Variants in BICDL1 observed in about 807,000 individuals in gnomAD.
BICDL1 encodes the protein BICD family like cargo adaptor 1.
BICDL1 carries 20 observed loss-of-function variants against 76.8 expected under a neutral mutation model. The observed-to-expected ratio is 0.26, with a 90% confidence interval of 0.18 to 0.38. The LOEUF (loss-of-function observed/expected upper bound fraction) is 0.38, where lower values mean the gene tolerates loss of function less well. Ranked by LOEUF, BICDL1 falls within the 10% of genes least tolerant of loss-of-function variation. BICDL1 has a pLI of 1.00. For synonymous variants in BICDL1, 383 were observed against 337.1 expected (o/e 1.14, Z -1.49); for missense variants, 700 against 798.6 (o/e 0.88, Z 1.49).
At chr12:120,089,253 A>G (rs534335452) in intron 8 of BICDL1, among the ~76,000 whole-genome samples, 1 of 151,218 alleles carries the variant, frequency 6.6e-6, no homozygotes, top group South Asian at 2.1e-4. Context: ...TCCTTATTTT[A>G]GTATTGTCCT....
chr12:120,091,367 C>A (rs1874952160), intron 9 of BICDL1: 1 of 1,011,262 alleles, frequency 9.9e-7, no homozygotes, highest in Non-Finnish European at 1.2e-6. Flanking sequence ...ATGAAGTTTT[C>A]AGTGTGCCAA....
chr12:120,064,935 AG>A, intron 4 of BICDL1, 56 bp downstream of exon 4: 1 of 1,534,890 alleles, frequency 6.5e-7, no homozygotes. Context: ...AGGAGCACTT[AG>A]CCAAAAAGAA....
intron 3 of BICDL1, among the ~76,000 whole-genome samples, chr12:120,062,055 G>T (rs1237537314): frequency 6.6e-6 from 1 of 152,168 alleles, no homozygotes; most frequent in Non-Finnish European, 1.5e-5. Flanking sequence ...ACATTTTACT[G>T]AATATGTTGA....
At position 120,001,538 on chromosome 12, in the gene BICDL1, G is replaced by A. The variant is rs148179200; in HGVS notation, c.645+2802G>A. On this transcript the variant is annotated intron_variant, in intron 2 of 9. Coordinates refer to ENST00000548673, the MANE Select transcript of BICDL1 (RefSeq NM_001367886.1). ...TGGGATTACAGGCATGAGCCACCAC[G>A]CCTGGCCAAAGGCCGTACTTTTCTT... Among the ~76,000 whole-genome samples, 1,207 of 152,164 alleles carry A rather than the reference G, an allele frequency of 7.9e-3. 17 individuals carry two copies. Among genetic ancestry groups the A allele is most frequent in the African/African-American group, 0.026 (1,099 of 41,524 alleles).
chr12:120,019,709 C>G (rs1952140908), intron 2 of BICDL1, among the ~76,000 whole-genome samples: 1 of 152,066 alleles, frequency 6.6e-6, no homozygotes, highest in Non-Finnish European at 1.5e-5. Context: ...CTCAGCCTCC[C>G]AAGTAGCTGG....
At chr12:120,092,722 G>A (rs985390313) in intron 9 of BICDL1, 15 of 985,314 alleles carry the variant, frequency 1.5e-5, no homozygotes, top group African/African-American at 8.7e-5. Context: ...GAGACCACCC[G>A]AGCCATCAGC....
At chr12:120,005,123 C>CTA (rs1951827673) in intron 2 of BICDL1, among the ~76,000 whole-genome samples, 1 of 152,096 alleles carries the variant, frequency 6.6e-6, no homozygotes, top group Non-Finnish European at 1.5e-5. Context: ...CGTACCTGGC[C>CTA]TATAGATTTT....
At chr12:120,018,396 C>G (rs1040609433) in intron 2 of BICDL1, among the ~76,000 whole-genome samples, 4 of 152,180 alleles carry the variant, frequency 2.6e-5, no homozygotes, top group Admixed American at 2.6e-4. Context: ...CTGTTAGAAT[C>G]TGAGAGTTCC....
chr12:120,062,426 C>T (rs1026385687), intron 3 of BICDL1, among the ~76,000 whole-genome samples: 1 of 152,020 alleles, frequency 6.6e-6, no homozygotes, highest in Non-Finnish European at 1.5e-5. Context: ...CAGCCCAAAC[C>T]AGGCCTCCCC....
chr12:120,016,010 T>G (rs1276045778), intron 2 of BICDL1, among the ~76,000 whole-genome samples: 2 of 152,186 alleles, frequency 1.3e-5, no homozygotes, highest in African/African-American at 4.8e-5. Flanking sequence ...TTAGAACATT[T>G]CTGCTACCCC....
chr12:119,989,882 G>T lies in BICDL1; in HGVS notation c.14G>T (p.Cys5Phe). MSAFCLGLVGRASAP... is the reference protein window; with the variant it reads MSAFFLGLVGRASAP... ...CGCGCGCGGGCCATGTCCGCTTTCT[G>T]CCTGGGCTTGGTCGGCCGCGCTTCA... Residue 5 changes from cysteine to phenylalanine, a missense_variant, in exon 1 of 10, where the codon TGC becomes TTC. This residue lies in a region of BICDL1 where 225 missense variants were observed against 199.6 expected (regional missense o/e 1.13). Transcript: ENST00000548673. 2.1e-6 allele frequency: 3 copies of T among 1,429,798 alleles called. No homozygotes were observed. The highest frequency in any genetic ancestry group is 2.7e-6 in the Non-Finnish European group (3 of 1,103,368). 88.6% of individuals were successfully genotyped at this position (1,429,798 alleles called of 1,614,324 possible). A position where few individuals can be genotyped will look rare whatever the true frequency, so the allele number is the denominator to read the frequency against.
At chr12:120,086,883 C>T (rs3852586) in intron 8 of BICDL1, among the ~76,000 whole-genome samples, 1 of 152,102 alleles carries the variant, frequency 6.6e-6, no homozygotes, top group Admixed American at 6.5e-5. Flanking sequence ...AATGTCCCAA[C>T]GGTGCAGCGC....
At chr12:120,085,557 C>T (rs1046893854) in intron 8 of BICDL1, among the ~76,000 whole-genome samples, 1 of 152,154 alleles carries the variant, frequency 6.6e-6, no homozygotes, top group South Asian at 2.1e-4. Flanking sequence ...CGCCTGTAAT[C>T]CTAGCACTTT....
chr12:120,092,843 C>A (rs953523748), intron 9 of BICDL1, 157 bp from the exon 10 acceptor site: 1 of 985,322 alleles, frequency 1.0e-6, no homozygotes, highest in Non-Finnish European at 1.2e-6. Context: ...GTCTTGCCCA[C>A]GCTCACCGCT....
intron 2 of BICDL1, among the ~76,000 whole-genome samples, chr12:120,031,087 C>T (rs1277241249): frequency 6.6e-6 from 1 of 152,130 alleles, no homozygotes; most frequent in Non-Finnish European, 1.5e-5. Flanking sequence ...TATTTTTCCC[C>T]AACACTTTAT....
chr12:120,058,481 A>T (rs1289244295), intron 2 of BICDL1, among the ~76,000 whole-genome samples: 1 of 152,212 alleles, frequency 6.6e-6, no homozygotes, highest in African/African-American at 2.4e-5. Flanking sequence ...TGCTCTGCAC[A>T]TCTAAGTATG....
Position 120,089,985 on chromosome 12 carries a change from A to C in BICDL1, c.1618A>C (p.Arg540=). Residue 540 remains arginine, a synonymous_variant, in exon 9 of 10, where the codon AGG becomes CGG. Coordinates refer to ENST00000548673, the MANE Select transcript of BICDL1 (RefSeq NM_001367886.1). ...NAVELELAKC[R]MDMMSLNSQL... is the part of the protein sequence containing the mutation. ...TGTGGAGCTGGAACTTGCCAAGTGC[A>C]GGATGGATATGATGTCTCTGAACAG... The C allele has an allele frequency of 6.2e-7, 1 of 1,614,218 alleles. No individual in the cohort carries two copies. Among genetic ancestry groups the C allele is most frequent in the East Asian group, 2.2e-5 (1 of 44,892 alleles).
At chr12:120,068,540 G>T (rs1367045530) in intron 4 of BICDL1, among the ~76,000 whole-genome samples, 1 of 152,272 alleles carries the variant, frequency 6.6e-6, no homozygotes, top group Admixed American at 6.5e-5. Flanking sequence ...TTTAGGCCGG[G>T]CGTGGTGGCT....
At chr12:120,051,328 GAGCCACTGAGCCC>G (rs1952855904) in intron 2 of BICDL1, among the ~76,000 whole-genome samples, 1 of 152,206 alleles carries the variant, frequency 6.6e-6, no homozygotes. Context: ...TTACAGGCGT[GAGCCACTGAGCCC>G]AGCCCCCTGG....
Sources: allele counts gnomAD v4.1 joint callset (sites outside exome capture counted in the v4.1 genomes callset), GRCh38; gene constraint gnomAD v4.1.1; regional missense constraint gnomAD v4.1.1; transcripts MANE v1.5; gene names NCBI Gene and HGNC (gene_info 2026-07-23, HGNC 2026-07-21).